TTBK2: variants seen among roughly 807,000 people sequenced by gnomAD.
TTBK2 encodes tau-tubulin kinase 2.
Under a neutral mutation model 110.8 loss-of-function variants are expected in TTBK2, and 28 were observed. The ratio of observed to expected loss-of-function variants is 0.25; its 90% CI spans 0.19 to 0.35. The LOEUF (loss-of-function observed/expected upper bound fraction) is 0.35. TTBK2 is among the 10% of genes least tolerant of loss of function. The pLI, the probability that TTBK2 is intolerant of heterozygous loss-of-function variation, is 1.00. For missense variants in TTBK2, 1,369 were observed against 1,500.3 expected, an observed-to-expected ratio of 0.91 and a Z score of 1.45; for synonymous variants, 532 against 527.3, an observed-to-expected ratio of 1.01 and a Z score of -0.12.
chr15:42,751,915 A>C, intron 14 of TTBK2, 59 bp downstream of exon 14: 1 of 1,597,156 alleles, frequency 6.3e-7, no homozygotes, highest in Non-Finnish European at 8.6e-7. Flanking sequence ...GTGGACTACA[A>C]TAAAGCAGAT....
At chr15:42,815,428 G>C (rs759244905) in intron 7 of TTBK2, among the ~76,000 whole-genome samples, 8 of 152,074 alleles carry the variant, frequency 5.3e-5, no homozygotes, top group Non-Finnish European at 1.0e-4. Context: ...GTAAAGAAAA[G>C]AATCAACAAG....
At chr15:42,806,877 A>G (rs1322616761) in intron 9 of TTBK2, among the ~76,000 whole-genome samples, 2 of 151,306 alleles carry the variant, frequency 1.3e-5, no homozygotes, top group African/African-American at 4.9e-5. Flanking sequence ...TGTGTAGCCC[A>G]AGACAATTCT....
chr15:42,807,829 A>T (rs906471330), intron 9 of TTBK2, among the ~76,000 whole-genome samples: 1 of 152,164 alleles, frequency 6.6e-6, no homozygotes, highest in African/African-American at 2.4e-5. Flanking sequence ...TATAATTCTG[A>T]TATCTTCACA....
intron 4 of TTBK2, among the ~76,000 whole-genome samples, chr15:42,832,917 C>T (rs747564252): frequency 3.9e-5 from 6 of 151,994 alleles, no homozygotes; most frequent in Non-Finnish European, 8.8e-5. Context: ...ATTGTAAGTA[C>T]ATTAATAAGT....
chr15:42,919,964 T>A (rs1408721589), intron 1 of TTBK2: 6 of 245,698 alleles, frequency 2.4e-5, no homozygotes, highest in African/African-American at 1.2e-4. Flanking sequence ...GCACCCTAAG[T>A]ACAAGAAAGT....
intron 5 of TTBK2, among the ~76,000 whole-genome samples, chr15:42,828,936 T>C (rs1892642884): frequency 6.6e-6 from 1 of 152,162 alleles, no homozygotes; most frequent in East Asian, 1.9e-4. Context: ...AAAGCCAAAT[T>C]GTTACCAGAA....
intron 10 of TTBK2, among the ~76,000 whole-genome samples, chr15:42,794,405 T>G (rs1181962721): frequency 6.6e-6 from 1 of 152,170 alleles, no homozygotes. Context: ...ATAAATTTGA[T>G]ATCAACAAGT....
At chr15:42,788,754 T>C (rs529831859) in intron 10 of TTBK2, among the ~76,000 whole-genome samples, 15 of 152,318 alleles carry the variant, frequency 9.8e-5, no homozygotes, top group African/African-American at 2.9e-4. Flanking sequence ...TTCTTACTTT[T>C]TTTAGGTGTG....
intron 11 of TTBK2, among the ~76,000 whole-genome samples, chr15:42,780,160 T>C (rs926804108): frequency 5.4e-5 from 8 of 147,626 alleles, no homozygotes; most frequent in Non-Finnish European, 1.0e-4. Context: ...TACCTGGGAC[T>C]ACAGGTACGT....
intron 1 of TTBK2, among the ~76,000 whole-genome samples, chr15:42,889,489 T>C (rs1184918612): frequency 6.6e-6 from 1 of 152,192 alleles, no homozygotes; most frequent in Non-Finnish European, 1.5e-5. Flanking sequence ...GGAATCTTCA[T>C]ACCCCTTACC....
At chr15:42,860,221 A>G (rs1347176974) in intron 3 of TTBK2, among the ~76,000 whole-genome samples, 1 of 152,078 alleles carries the variant, frequency 6.6e-6, no homozygotes, top group Admixed American at 6.6e-5. Flanking sequence ...CAAACACCAA[A>G]CCACAAATCC....
intron 1 of TTBK2, among the ~76,000 whole-genome samples, chr15:42,879,901 C>T (rs533871894): frequency 3.4e-5 from 5 of 149,168 alleles, no homozygotes; most frequent in African/African-American, 7.4e-5. Context: ...GGAGTCTGAG[C>T]GGGGAGGATC....
intron 9 of TTBK2, among the ~76,000 whole-genome samples, chr15:42,797,142 G>A (rs914406950): frequency 6.6e-6 from 1 of 152,232 alleles, no homozygotes; most frequent in Non-Finnish European, 1.5e-5. Context: ...GGTTCTCACA[G>A]AGTGAGATGC....
intron 8 of TTBK2, 143 bp downstream of exon 8, chr15:42,811,545 C>T (rs547244488): frequency 1.2e-4 from 80 of 658,558 alleles, no homozygotes; most frequent in South Asian, 3.2e-4. Flanking sequence ...TCAGCTCACA[C>T]AGAAAAATAC....
intron 3 of TTBK2, among the ~76,000 whole-genome samples, chr15:42,856,107 G>A (rs1280836326): frequency 1.3e-5 from 2 of 152,190 alleles, no homozygotes; most frequent in Non-Finnish European, 2.9e-5. Flanking sequence ...ATTCTACTTT[G>A]TAGAATAATT....
chr15:42,770,091 A>G lies in TTBK2; in HGVS notation c.1998+5044T>C, dbSNP rs549286870. Among the ~76,000 whole-genome samples the G allele has an allele frequency of 2.5e-4, 29 of 114,346 alleles. 1 individual carries two copies. The highest frequency in any genetic ancestry group is 2.1e-3 in the East Asian group (8 of 3,786). The allele number at this position is 114,346 out of a possible 152,430, so 75.0% of individuals were successfully genotyped here. A position where few individuals can be genotyped will look rare whatever the true frequency, so the allele number is the denominator to read the frequency against. ...CACAGGGTGGGGAACATCACACACC[A>G]GGGCCTGTCGTGGGGTGGGGGGCAG... On this transcript the variant is annotated intron_variant, in intron 13 of 14. Transcript: ENST00000267890.
intron 1 of TTBK2, among the ~76,000 whole-genome samples, chr15:42,911,961 TAC>T (rs10545933): frequency 0.031 from 4,656 of 149,460 alleles, 183 homozygotes; most frequent in African/African-American, 0.099. Flanking sequence ...ATGAGTTAAA[TAC>T]ACACACACAC....
rs1596013914 is a variant in TTBK2 at position 42,878,169 on chromosome 15, A to G, written c.69+380T>C. 2.7e-5 allele frequency among the ~76,000 whole-genome samples: 4 copies of G among 149,416 alleles called. No homozygotes were observed. In the Middle Eastern group the frequency reaches 0.01, roughly 389 times the overall value. On this transcript the variant is annotated intron_variant, in intron 2 of 14. Transcript: ENST00000267890. Reference sequence around the variant, plus strand: ...TTTTTGCTTTTTTTTTTTTTAGTAGAGATGGGGTTTCATCGTGTTAGCCAA... The same window carrying G: ...TTTTTGCTTTTTTTTTTTTTAGTAGGGATGGGGTTTCATCGTGTTAGCCAA...
chr15:42,912,112 T>C (rs1196049939), intron 1 of TTBK2, among the ~76,000 whole-genome samples: 1 of 151,954 alleles, frequency 6.6e-6, no homozygotes, highest in Non-Finnish European at 1.5e-5. Flanking sequence ...GTGAAAAGGG[T>C]GCTTATTGGG....
Sources: allele counts gnomAD v4.1 joint callset (sites outside exome capture counted in the v4.1 genomes callset), GRCh38; gene constraint gnomAD v4.1.1; transcripts MANE v1.5; gene names NCBI Gene and HGNC (gene_info 2026-07-23, HGNC 2026-07-21).